SYNE3: variants seen among roughly 807,000 people sequenced by gnomAD.
SYNE3 encodes the protein spectrin repeat containing nuclear envelope family member 3, also known as nesprin-3.
Under a neutral mutation model 111.2 loss-of-function variants are expected in SYNE3, and 100 were observed. The observed-to-expected ratio is 0.90, with a 90% CI of 0.77 to 1.06. SYNE3 has a LOEUF of 1.06. SYNE3 is among the 50% of genes least tolerant of loss of function. The pLI, the probability that SYNE3 is intolerant of heterozygous loss-of-function variation, is 0.00. For synonymous variants in SYNE3, 547 were observed against 533.9 expected, an observed-to-expected ratio of 1.02 and a Z score of -0.34; for missense variants, 1,160 against 1,240.3, an observed-to-expected ratio of 0.94 and a Z score of 0.97.
chr14:95,417,902 C>T lies in SYNE3; in HGVS notation c.2852G>A (p.Arg951His), dbSNP rs540014645. The change falls in exon 18 of 18, where the codon CGC becomes CAC. Residue 951 changes from arginine (R) to histidine (H), a missense_variant. Arg to His is a conservative substitution (Grantham distance 29). Coordinates refer to ENST00000682763, the MANE Select transcript of SYNE3 (RefSeq NM_152592.6). ...LFLLPIREED[R>H]SCTLANNFAR... ...GAAGTTGTTGGCCAGGGTGCAGCTG[C>T]GGTCCTCTTCCCTGATTGGGAGCAG... 41 of 1,614,184 alleles carry T rather than the reference C, an allele frequency of 2.5e-5. No homozygotes were observed. In the East Asian group the frequency reaches 3.8e-4, roughly 15 times the overall value.
chr14:95,515,094 C>T (rs1444358337), intron 1 of SYNE3, among the ~76,000 whole-genome samples: 1 of 152,240 alleles, frequency 6.6e-6, no homozygotes, highest in African/African-American at 2.4e-5. Context: ...TCCCTCTGTG[C>T]CACCAACACA....
chr14:95,456,181 A>G (rs899288892), intron 5 of SYNE3: 1 of 196,712 alleles, frequency 5.1e-6, no homozygotes, highest in African/African-American at 2.3e-5. Context: ...AATAATCATC[A>G]GTTTTTTTAA....
At chr14:95,476,706 T>C (rs1434564554) in intron 1 of SYNE3, among the ~76,000 whole-genome samples, 1 of 152,284 alleles carries the variant, frequency 6.6e-6, no homozygotes, top group Non-Finnish European at 1.5e-5. Flanking sequence ...ACTAAAGTTA[T>C]TTGTATTTGC....
rs147559792 is a variant in SYNE3 at position 95,450,224 on chromosome 14, C to T, written c.1275-119G>A. ...ATGCACTGCTCCCAGGGTGGGCCTT[C>T]TCCTGTTTCAGTTGCTGGGAATGTC... On this transcript the variant is annotated intron_variant, in intron 7 of 17. Transcript: ENST00000682763. 4,371 of 1,231,258 alleles carry T rather than the reference C, an allele frequency of 3.6e-3. 71 individuals are homozygous for T. Among genetic ancestry groups the T allele is most frequent in the East Asian group, 0.028 (1,073 of 38,796 alleles). 76.3% of individuals were successfully genotyped at this position (1,231,258 alleles called of 1,614,324 possible). A position where few individuals can be genotyped will look rare whatever the true frequency, so the allele number is the denominator to read the frequency against.
At chr14:95,465,878 G>A in intron 4 of SYNE3, 53 bp downstream of exon 4, 1 of 1,515,128 alleles carries the variant, frequency 6.6e-7, no homozygotes, top group South Asian at 1.3e-5. Flanking sequence ...GTAGATAAGG[G>A]TGGATACATG....
chr14:95,425,266 A>G (rs1885368978), intron 17 of SYNE3, among the ~76,000 whole-genome samples: 1 of 152,016 alleles, frequency 6.6e-6, no homozygotes, highest in African/African-American at 2.4e-5. Flanking sequence ...GAAAAGAAAA[A>G]GAAAAAAGAA....
intron 1 of SYNE3, among the ~76,000 whole-genome samples, chr14:95,483,398 C>T (rs1243059865): frequency 6.6e-6 from 1 of 152,146 alleles, no homozygotes; most frequent in East Asian, 1.9e-4. Flanking sequence ...CTCATTCCTG[C>T]CCTGCCACAC....
At position 95,500,468 on chromosome 14, in the gene SYNE3, A is replaced by G. The variant is rs1890294654; in HGVS notation, c.-15+16128T>C. Among the ~76,000 whole-genome samples, 1 of 152,212 alleles carries G rather than the reference A, an allele frequency of 6.6e-6. No homozygotes were observed. The highest frequency in any genetic ancestry group is 2.4e-5 in the African/African-American group (1 of 41,448). On this transcript the variant is annotated intron_variant, in intron 1 of 17. Transcript: ENST00000682763. The surrounding 1 kb of genome is among the most constrained non-coding windows in gnomAD (Gnocchi z 4.7). ...TCTTGAGTCCCCAGACCTCAGCACC[A>G]GCGGCCGCCCACAGCCAGGCAGCAG...
chr14:95,445,828 C>T lies in SYNE3; in HGVS notation c.1632+81G>A, dbSNP rs529968830. 2.7e-6 allele frequency: 4 copies of T among 1,492,794 alleles called. No individual in the cohort carries two copies. The East Asian group carries it at 6.8e-5, about 25-fold the overall frequency. 92.5% of individuals were successfully genotyped at this position (1,492,794 alleles called of 1,614,324 possible). A position where few individuals can be genotyped will look rare whatever the true frequency, so the allele number is the denominator to read the frequency against. ...GCAAGCGGCAGAGCTGAGTTTAGAA[C>T]ATAAGGCCATCTGCCTCCCCAGTGG... On this transcript the variant is annotated intron_variant, in intron 9 of 17. Transcript: ENST00000682763.
rs765452897 is a variant in SYNE3, at chr14:95,449,993, A to G, written c.1387T>C (p.Leu463=). The change falls in exon 8 of 18, where the codon TTG becomes CTG. Residue 463 remains leucine, a synonymous_variant. Coordinates refer to ENST00000682763, the MANE Select transcript of SYNE3 (RefSeq NM_152592.6). ...QLWKALAQRL[L]EVTASLPDLP... ...TCCGGCAGGCTGGCAGTGACCTCCA[A>G]GAGCCGCTGGGCCAGGGCCTTCCAC... 48 of 1,555,072 alleles carry G rather than the reference A, an allele frequency of 3.1e-5. No individual in the cohort carries two copies. The highest frequency in any genetic ancestry group is 5.5e-5 in the African/African-American group (4 of 73,298).
chr14:95,489,813 T>G (rs1889753303), intron 1 of SYNE3, among the ~76,000 whole-genome samples: 1 of 152,198 alleles, frequency 6.6e-6, no homozygotes, highest in African/African-American at 2.4e-5. Flanking sequence ...TCATTAGTCC[T>G]TGATTTCACA....
At chr14:95,459,120 T>C (rs1015857055) in intron 4 of SYNE3, among the ~76,000 whole-genome samples, 1 of 152,236 alleles carries the variant, frequency 6.6e-6, no homozygotes, top group African/African-American at 2.4e-5. Flanking sequence ...ACCGCCAGCA[T>C]GCAACTTATG....
intron 11 of SYNE3, among the ~76,000 whole-genome samples, chr14:95,442,453 G>A (rs1190506568): frequency 6.6e-6 from 1 of 152,198 alleles, no homozygotes; most frequent in Non-Finnish European, 1.5e-5. Context: ...CAGGTAGGAG[G>A]GAGAGCTCTC....
chr14:95,464,462 A>G (rs1456963498), intron 4 of SYNE3, among the ~76,000 whole-genome samples: 2 of 152,208 alleles, frequency 1.3e-5, no homozygotes, highest in Non-Finnish European at 1.5e-5. Flanking sequence ...TAGAAAAAAA[A>G]TATTGTTACA....
chr14:95,420,045 C>G (rs955464090), intron 17 of SYNE3, among the ~76,000 whole-genome samples: 1 of 150,844 alleles, frequency 6.6e-6, no homozygotes, highest in Middle Eastern at 3.4e-3. Flanking sequence ...TCCAAGTATC[C>G]CCTCCAGATG....
At position 95,500,155 on chromosome 14, in the gene SYNE3, C is replaced by T. The variant is rs1347763918; in HGVS notation, c.-15+16441G>A. Among the ~76,000 whole-genome samples the T allele has an allele frequency of 2.0e-5, 3 of 152,128 alleles. No individual in the cohort carries two copies. Among genetic ancestry groups the T allele is most frequent in the Non-Finnish European group, 4.4e-5 (3 of 68,020 alleles). The stretch of plus-strand genomic sequence containing the variant: ...GATTAAAGGCGTGAGCCACTGCGCC[C>T]GGCCTACCTCCTGTCTTATATCTGA... On this transcript the variant is annotated intron_variant, in intron 1 of 17. Coordinates refer to ENST00000682763, the MANE Select transcript of SYNE3 (RefSeq NM_152592.6). The surrounding 1 kb of genome is among the most constrained non-coding windows in gnomAD (Gnocchi z 4.7).
At chr14:95,512,159 A>G (rs1342280693) in intron 1 of SYNE3, among the ~76,000 whole-genome samples, 1 of 152,218 alleles carries the variant, frequency 6.6e-6, no homozygotes, top group African/African-American at 2.4e-5. Flanking sequence ...CGTGTCTCCT[A>G]CATAAAGATT....
chr14:95,418,527 A>G (rs1443230100), intron 17 of SYNE3, among the ~76,000 whole-genome samples: 1 of 151,970 alleles, frequency 6.6e-6, no homozygotes, highest in African/African-American at 2.4e-5. Flanking sequence ...ACCAGCATCA[A>G]ATTTATCATC....
intron 1 of SYNE3, among the ~76,000 whole-genome samples, chr14:95,477,673 C>T (rs1023802275): frequency 6.6e-5 from 10 of 152,108 alleles, no homozygotes; most frequent in Non-Finnish European, 1.2e-4. Flanking sequence ...AGGTGGGCGA[C>T]GTAGCGGGCT....
Sources: gnomAD v4.1 joint callset for allele counts (sites outside exome capture counted in the v4.1 genomes callset) on GRCh38, gnomAD v4.1.1 for gene constraint, Gnocchi (gnomAD v3.1) non-coding constraint, MANE v1.5 for transcripts, NCBI Gene and HGNC (gene_info 2026-07-23, HGNC 2026-07-21) for gene names.